Variants in CHCHD3 observed in about 807,000 individuals in gnomAD.
CHCHD3 encodes the protein MICOS complex subunit MIC19.
Under a neutral mutation model 38.2 loss-of-function variants are expected in CHCHD3, and 20 were observed. The observed-to-expected ratio is 0.52, with a 90% CI of 0.37 to 0.76. The LOEUF (loss-of-function observed/expected upper bound fraction) is 0.76. Ranked by LOEUF, CHCHD3 falls within the 30% of genes least tolerant of loss-of-function variation. The pLI, the probability that CHCHD3 is intolerant of heterozygous loss-of-function variation, is 0.00. For missense variants in CHCHD3, 245 were observed against 279.2 expected, an observed-to-expected ratio of 0.88 and a Z score of 0.87; for synonymous variants, 82 against 100.0, an observed-to-expected ratio of 0.82 and a Z score of 1.07.
intron 3 of CHCHD3, among the ~76,000 whole-genome samples, chr7:132,984,897 G>A (rs1812051322): frequency 9.9e-6 from 1 of 100,570 alleles, no homozygotes; most frequent in Non-Finnish European, 2.2e-5. Flanking sequence ...CGGGAGGGAG[G>A]TGGGGGGGTC....
chr7:133,019,655 C>T (rs978986845), intron 3 of CHCHD3, among the ~76,000 whole-genome samples: 7 of 152,106 alleles, frequency 4.6e-5, no homozygotes, highest in Non-Finnish European at 7.4e-5. Flanking sequence ...AGCAAGTAAT[C>T]TTGGTTGATG....
chr7:132,850,292 G>A (rs955366826), intron 5 of CHCHD3, among the ~76,000 whole-genome samples: 1 of 152,108 alleles, frequency 6.6e-6, no homozygotes, highest in African/African-American at 2.4e-5. Flanking sequence ...GGGTGGCTTG[G>A]CAAAATTAAT....
At chr7:132,972,824 C>A in intron 4 of CHCHD3, 1 of 985,370 alleles carries the variant, frequency 1.0e-6, no homozygotes, top group Non-Finnish European at 1.2e-6. Flanking sequence ...GTCATCTATA[C>A]CACACAACCA....
At chr7:132,873,068 C>A (rs10276406) in intron 5 of CHCHD3, among the ~76,000 whole-genome samples, 3 of 151,120 alleles carry the variant, frequency 2.0e-5, no homozygotes, top group Non-Finnish European at 4.4e-5. Flanking sequence ...CCAGCCTGGG[C>A]GACAGAGAGA....
chr7:132,891,676 T>C (rs1315523710), intron 4 of CHCHD3, among the ~76,000 whole-genome samples: 2 of 152,232 alleles, frequency 1.3e-5, no homozygotes, highest in Non-Finnish European at 2.9e-5. Flanking sequence ...TGGGGTATGA[T>C]ATGGTTTGGC....
At chr7:132,993,806 A>G (rs1185619026) in intron 3 of CHCHD3, among the ~76,000 whole-genome samples, 2 of 152,168 alleles carry the variant, frequency 1.3e-5, no homozygotes, top group Non-Finnish European at 2.9e-5. Context: ...TGGGGCCAAC[A>G]CTGTTGATCC....
At chr7:133,064,599 C>T (rs1449096224) in intron 2 of CHCHD3, among the ~76,000 whole-genome samples, 1 of 152,144 alleles carries the variant, frequency 6.6e-6, no homozygotes, top group Non-Finnish European at 1.5e-5. Flanking sequence ...AATCTGTTTC[C>T]CAAAATTGGC....
intron 4 of CHCHD3, chr7:132,973,786 C>T (rs1939072375): frequency 1.8e-6 from 2 of 1,087,268 alleles, no homozygotes; most frequent in South Asian, 2.4e-5. Context: ...TAGAAATGAG[C>T]CTTCTTCTTA....
intron 2 of CHCHD3, among the ~76,000 whole-genome samples, chr7:133,055,577 C>A (rs1290532029): frequency 1.4e-5 from 2 of 144,704 alleles, no homozygotes; most frequent in Non-Finnish European, 3.0e-5. Flanking sequence ...ATAATTAATT[C>A]TAATATAATT....
intron 3 of CHCHD3, among the ~76,000 whole-genome samples, chr7:133,014,452 T>C (rs915967544): frequency 6.6e-6 from 1 of 152,152 alleles, no homozygotes; most frequent in Admixed American, 6.5e-5. Flanking sequence ...TGGCTGAATA[T>C]TTTGACAGAT....
chr7:132,848,342 T>C (rs1808132993), intron 5 of CHCHD3, among the ~76,000 whole-genome samples: 1 of 152,220 alleles, frequency 6.6e-6, no homozygotes, highest in Admixed American at 6.5e-5. Flanking sequence ...CTATGATACA[T>C]AATCAGCTAG....
intron 4 of CHCHD3, among the ~76,000 whole-genome samples, chr7:132,954,528 G>A (rs1811112299): frequency 6.6e-6 from 1 of 152,154 alleles, no homozygotes; most frequent in Non-Finnish European, 1.5e-5. Context: ...TTTTGGAGCA[G>A]TGGTTGAGAG....
intron 4 of CHCHD3, among the ~76,000 whole-genome samples, chr7:132,891,685 G>A (rs1245796471): frequency 6.6e-6 from 1 of 152,204 alleles, no homozygotes. Context: ...ATATGGTTTG[G>A]CTCTGTGTCT....
intron 2 of CHCHD3, among the ~76,000 whole-genome samples, chr7:133,051,606 T>A (rs1562949040): frequency 6.6e-6 from 1 of 152,178 alleles, no homozygotes; most frequent in Non-Finnish European, 1.5e-5. Context: ...TTTTCTAATT[T>A]TTAAATTTTA....
At chr7:132,876,519 T>A (rs988596203) in intron 5 of CHCHD3, among the ~76,000 whole-genome samples, 5 of 152,224 alleles carry the variant, frequency 3.3e-5, no homozygotes, top group Non-Finnish European at 5.9e-5. Context: ...CAGAATCTAA[T>A]TATTTTATTG....
At chr7:132,954,622 C>G (rs115910221) in intron 4 of CHCHD3, among the ~76,000 whole-genome samples, 1 of 152,048 alleles carries the variant, frequency 6.6e-6, no homozygotes, top group African/African-American at 2.4e-5. Context: ...AAGACGGACT[C>G]TACAATGTTC....
intron 3 of CHCHD3, among the ~76,000 whole-genome samples, chr7:132,994,755 G>C (rs1238845028): frequency 6.6e-6 from 1 of 151,938 alleles, no homozygotes; most frequent in Non-Finnish European, 1.5e-5. Flanking sequence ...AATAAAGATG[G>C]CCCTATATTT....
Position 133,082,072 on chromosome 7 carries a change from A to C in CHCHD3, c.-135T>G, listed in dbSNP as rs1245252867. On this transcript the variant is annotated 5_prime_UTR_variant, in exon 1 of 8. Coordinates refer to ENST00000262570, the MANE Select transcript of CHCHD3 (RefSeq NM_017812.4). ...AGCAAGGCCACGACCCCCAGAAGCAAGGAGAAGGCGCCGGTCCTGAGCTCC... is the reference window on the plus strand; with the variant it reads ...AGCAAGGCCACGACCCCCAGAAGCACGGAGAAGGCGCCGGTCCTGAGCTCC... 1.3e-6 allele frequency: 1 copy of C among 763,850 alleles called. No individual in the cohort carries two copies. Among genetic ancestry groups the C allele is most frequent in the Non-Finnish European group, 2.0e-6 (1 of 492,340 alleles). 47.3% of individuals were successfully genotyped at this position (763,850 alleles called of 1,614,324 possible). A position where few individuals can be genotyped will look rare whatever the true frequency, so the allele number is the denominator to read the frequency against.
intron 2 of CHCHD3, among the ~76,000 whole-genome samples, chr7:133,053,957 G>A (rs1286303891): frequency 6.6e-6 from 1 of 152,078 alleles, no homozygotes; most frequent in Admixed American, 6.6e-5. Context: ...GAAGAAAAAA[G>A]AAAACTGCAT....
Sources: gnomAD v4.1 joint callset for allele counts (sites outside exome capture counted in the v4.1 genomes callset) on GRCh38, gnomAD v4.1.1 for gene constraint, MANE v1.5 for transcripts, NCBI Gene and HGNC (gene_info 2026-07-23, HGNC 2026-07-21) for gene names.